Variants in WASF3 observed in about 807,000 individuals in gnomAD.
WASF3 encodes the protein actin-binding protein WASF3.
In WASF3, 11 loss-of-function variants were observed where a neutral mutation model predicts 46.6. The observed-to-expected ratio is 0.24, with a 90% CI of 0.15 to 0.39. WASF3 has a LOEUF of 0.39. Ranked by LOEUF, WASF3 falls within the 10% of genes least tolerant of loss-of-function variation. The probability of loss-of-function intolerance (pLI) is 1.00; values close to 1 mark genes in which losing one functional copy is unlikely to be tolerated. For synonymous variants in WASF3, 242 were observed against 259.7 expected, an observed-to-expected ratio of 0.93 and a Z score of 0.65; for missense variants, 576 against 669.8, an observed-to-expected ratio of 0.86 and a Z score of 1.55.
chr13:26,589,053 C>T (rs1038848796), intron 1 of WASF3, among the ~76,000 whole-genome samples: 10 of 152,154 alleles, frequency 6.6e-5, no homozygotes, highest in African/African-American at 2.4e-4. Context: ...CTCAGTCTCT[C>T]AAAGTGCTGG....
At chr13:26,574,899 C>T (rs961646147) in intron 1 of WASF3, among the ~76,000 whole-genome samples, 5 of 149,804 alleles carry the variant, frequency 3.3e-5, no homozygotes, top group East Asian at 4.0e-4. Context: ...TGCAGTGGTG[C>T]GATCTCGGCT....
intron 1 of WASF3, among the ~76,000 whole-genome samples, chr13:26,564,900 G>GTTTTTTTTTTTTTTTTTTTTTTTT (rs66809412): frequency 6.1e-5 from 5 of 81,634 alleles, no homozygotes; most frequent in Non-Finnish European, 8.9e-5. Context: ...CAAGGTTGTG[G>GTTTTTTTTTTTTTTTTTTTTTTTT]TTTTTTTTTT....
At chr13:26,565,675 G>A (rs912112475) in intron 1 of WASF3, among the ~76,000 whole-genome samples, 9 of 152,148 alleles carry the variant, frequency 5.9e-5, no homozygotes, top group Non-Finnish European at 1.3e-4. Context: ...GCTGCAAACA[G>A]CATTTGTTTC....
At chr13:26,543,563 A>G in the WASF3 span, among the ~76,000 whole-genome samples, 1 of 152,120 alleles carries the variant, frequency 6.6e-6, no homozygotes, top group Non-Finnish European at 1.5e-5. Flanking sequence ...TAGGGAAAGG[A>G]AGAGAGGAGA....
intron 1 of WASF3, among the ~76,000 whole-genome samples, chr13:26,576,414 A>G (rs1879799166): frequency 6.6e-6 from 1 of 152,040 alleles, no homozygotes. Context: ...GAATTGTTGC[A>G]TCATACAGTA....
the WASF3 span, among the ~76,000 whole-genome samples, chr13:26,549,478 A>G: frequency 2.0e-4 from 31 of 152,260 alleles, no homozygotes; most frequent in African/African-American, 7.2e-4. Flanking sequence ...GATTATGGGT[A>G]TTGAGCGTTA....
At chr13:26,591,868 C>G (rs1880310367) in intron 1 of WASF3, among the ~76,000 whole-genome samples, 1 of 152,152 alleles carries the variant, frequency 6.6e-6, no homozygotes, top group South Asian at 2.1e-4. Flanking sequence ...CGGCTGGGCA[C>G]TGGTGACTAT....
intron 2 of WASF3, among the ~76,000 whole-genome samples, chr13:26,636,478 TG>T (rs1461660563): frequency 6.6e-6 from 1 of 152,196 alleles, no homozygotes; most frequent in African/African-American, 2.4e-5. Context: ...GGTGAGGCAA[TG>T]CCCCGCCCTG....
intron 1 of WASF3, among the ~76,000 whole-genome samples, chr13:26,576,157 C>G (rs1226846393): frequency 6.6e-6 from 1 of 152,018 alleles, no homozygotes; most frequent in Non-Finnish European, 1.5e-5. Context: ...CTTTATACTT[C>G]TTTTTAAATT....
At chr13:26,632,850 G>A (rs912650284) in intron 2 of WASF3, among the ~76,000 whole-genome samples, 20 of 152,078 alleles carry the variant, frequency 1.3e-4, no homozygotes, top group Non-Finnish European at 2.6e-4. Flanking sequence ...GAATTTCAGA[G>A]CCTGTTATTG....
intron 1 of WASF3, among the ~76,000 whole-genome samples, chr13:26,592,139 A>G (rs1052226986): frequency 1.3e-4 from 19 of 151,320 alleles, no homozygotes; most frequent in African/African-American, 4.6e-4. Flanking sequence ...GAAGTTCATG[A>G]TATCACCAAT....
chr13:26,571,956 G>T (rs191946158), intron 1 of WASF3, among the ~76,000 whole-genome samples: 81 of 152,218 alleles, frequency 5.3e-4, no homozygotes, highest in Non-Finnish European at 8.8e-4. Context: ...GTATTTTGTT[G>T]CTGTTATAAA....
intron 6 of WASF3, among the ~76,000 whole-genome samples, chr13:26,673,310 G>T (rs545719039): frequency 6.6e-6 from 1 of 152,090 alleles, no homozygotes; most frequent in Non-Finnish European, 1.5e-5. Context: ...GTTATTTCCT[G>T]TGCTGTTTTG....
At chr13:26,559,359 A>G (rs941156236) in intron 1 of WASF3, among the ~76,000 whole-genome samples, 2 of 152,254 alleles carry the variant, frequency 1.3e-5, no homozygotes, top group South Asian at 2.1e-4. Flanking sequence ...TTGCATTTCC[A>G]GTTGGCTGAC....
At chr13:26,575,662 C>T (rs1879775857) in intron 1 of WASF3, among the ~76,000 whole-genome samples, 3 of 152,252 alleles carry the variant, frequency 2.0e-5, no homozygotes, top group South Asian at 2.1e-4. Flanking sequence ...TTATTAGCCT[C>T]GTTAGTTGAA....
chr13:26,622,716 A>C (rs1881344459), intron 2 of WASF3: 1 of 152,194 alleles, frequency 6.6e-6, no homozygotes, highest in Non-Finnish European at 1.5e-5. Context: ...TGGAGGTTGC[A>C]GTGAGCCAAG....
chr13:26,598,799 T>A (rs1880554245), intron 1 of WASF3, among the ~76,000 whole-genome samples: 1 of 152,200 alleles, frequency 6.6e-6, no homozygotes, highest in Admixed American at 6.5e-5. Flanking sequence ...CAGTGGTGAG[T>A]TATTTATACT....
chr13:26,667,657 C>CCA lies in WASF3; in HGVS notation c.409_410insCA (p.Leu137ProfsTer2), dbSNP rs1281156255. ...TGATAAGCCACCGCCTCTGAACATC[C>CCA]TGACACCATACAGGTATAGCTTCAT... On this transcript the variant is annotated frameshift_variant, in exon 5 of 10. Transcript: ENST00000335327. LOFTEE classifies it high-confidence loss of function. 6.2e-7 allele frequency: 1 copy of CCA among 1,613,930 alleles called. No individual in the cohort carries two copies. The highest frequency in any genetic ancestry group is 8.5e-7 in the Non-Finnish European group (1 of 1,179,994).
chr13:26,678,283 G>A (rs1883124501), intron 7 of WASF3, among the ~76,000 whole-genome samples: 1 of 151,778 alleles, frequency 6.6e-6, no homozygotes, highest in African/African-American at 2.4e-5. Flanking sequence ...ACTACAGTGT[G>A]TCACTTTTTT....
Sources: gnomAD v4.1 joint callset for allele counts (sites outside exome capture counted in the v4.1 genomes callset) on GRCh38, gnomAD v4.1.1 for gene constraint, MANE v1.5 for transcripts, NCBI Gene and HGNC (gene_info 2026-07-23, HGNC 2026-07-21) for gene names.